ZNF280C: variants seen among roughly 807,000 people sequenced by gnomAD.
ZNF280C encodes suppressor of hairy wing homolog 3.
Under a neutral mutation model 53.6 loss-of-function variants are expected in ZNF280C, and 14 were observed. That is an observed-to-expected ratio of 0.26 (90% CI 0.17 to 0.41). The LOEUF (loss-of-function observed/expected upper bound fraction) is 0.41, where lower values mean the gene tolerates loss of function less well. ZNF280C is among the 10% of genes least tolerant of loss of function. The pLI, the probability that ZNF280C is intolerant of heterozygous loss-of-function variation, is 1.00. For synonymous variants in ZNF280C, 203 were observed against 181.1 expected (o/e 1.12, Z -0.97); for missense variants, 416 against 547.1 (o/e 0.76, Z 2.39).
At chrX:130,224,531 T>C (rs5930385) in intron 12 of ZNF280C, among the ~76,000 whole-genome samples, 9,982 of 111,329 alleles carry the variant, frequency 0.09, 398 homozygotes, top group African/African-American at 0.13. Flanking sequence ...TTTATTACAG[T>C]GTAAGGGTAC....
intron 5 of ZNF280C, among the ~76,000 whole-genome samples, chrX:130,240,755 T>C (rs1489755608): frequency 8.9e-6 from 1 of 111,786 alleles, no homozygotes; most frequent in Non-Finnish European, 1.9e-5. Context: ...CATAAAATAT[T>C]TCAGAAAGAT....
intron 13 of ZNF280C, among the ~76,000 whole-genome samples, chrX:130,218,035 G>A (rs2032123317): frequency 9.0e-6 from 1 of 111,040 alleles, no homozygotes; most frequent in African/African-American, 3.3e-5. Context: ...GGTGACATCC[G>A]CCTGTGGTCC....
At chrX:130,261,036 G>A (rs940772442) in intron 1 of ZNF280C, among the ~76,000 whole-genome samples, 1 of 111,711 alleles carries the variant, frequency 9.0e-6, no homozygotes, top group Non-Finnish European at 1.9e-5. Flanking sequence ...TTAGTTTTTT[G>A]AAAAGTAACA....
At chrX:130,206,760 TC>T (rs1411114165) in intron 16 of ZNF280C, among the ~76,000 whole-genome samples, 1 of 112,127 alleles carries the variant, frequency 8.9e-6, no homozygotes, top group South Asian at 3.7e-4. Context: ...TCATGTGCTT[TC>T]CCCATGAAAT....
At chrX:130,213,383 A>G (rs2032063771) in intron 15 of ZNF280C, among the ~76,000 whole-genome samples, 1 of 111,064 alleles carries the variant, frequency 9.0e-6, no homozygotes, top group Non-Finnish European at 1.9e-5. Flanking sequence ...AAAACAAAAC[A>G]AAACGAAACA....
intron 8 of ZNF280C, among the ~76,000 whole-genome samples, chrX:130,233,797 G>A (rs1231340234): frequency 9.1e-6 from 1 of 110,085 alleles, no homozygotes; most frequent in Non-Finnish European, 1.9e-5. Context: ...AACTCATCAA[G>A]CTGTATACAT....
intron 6 of ZNF280C, 135 bp from the exon 7 acceptor site, chrX:130,236,774 A>G (rs920910852): frequency 8.1e-6 from 3 of 371,887 alleles, no homozygotes; most frequent in Non-Finnish European, 1.4e-5. Flanking sequence ...TAAAGGTAAT[A>G]TAATTTAATA....
chrX:130,239,804 C>T, intron 5 of ZNF280C, 111 bp from the exon 6 acceptor site: 1 of 414,322 alleles, frequency 2.4e-6, no homozygotes, highest in Non-Finnish European at 4.1e-6. Context: ...TGGTATAAAA[C>T]ACAAAGGTAA....
At chrX:130,254,239 T>A (rs928372756) in intron 2 of ZNF280C, among the ~76,000 whole-genome samples, 3 of 111,457 alleles carry the variant, frequency 2.7e-5, no homozygotes, top group Non-Finnish European at 5.7e-5. Flanking sequence ...GAATGGCTAT[T>A]CAAAAGTCAA....
At chrX:130,245,374 AAAT>A (rs1466743672) in intron 3 of ZNF280C, among the ~76,000 whole-genome samples, 1 of 111,924 alleles carries the variant, frequency 8.9e-6, no homozygotes, top group Non-Finnish European at 1.9e-5. Flanking sequence ...CAGTGACTAG[AAAT>A]AATAAGAGAA....
intron 13 of ZNF280C, among the ~76,000 whole-genome samples, chrX:130,217,097 C>T (rs1221401677): frequency 8.9e-6 from 1 of 112,335 alleles, no homozygotes; most frequent in African/African-American, 3.2e-5. Flanking sequence ...AGCCATTCTA[C>T]TCAGAGGTAT....
intron 7 of ZNF280C, 62 bp downstream of exon 7, chrX:130,236,407 A>C: frequency 8.9e-7 from 1 of 1,122,635 alleles, no homozygotes; most frequent in African/African-American, 1.8e-5. Flanking sequence ...AATTCATCAC[A>C]ATTTCTAAAA....
chrX:130,263,367 T>C (rs888867426), intron 1 of ZNF280C, among the ~76,000 whole-genome samples: 2 of 112,336 alleles, frequency 1.8e-5, no homozygotes, highest in Non-Finnish European at 3.8e-5. Context: ...TGAACACTAT[T>C]TGGTAATAAA....
intron 1 of ZNF280C, among the ~76,000 whole-genome samples, chrX:130,263,111 G>A (rs971544468): frequency 1.8e-5 from 2 of 112,403 alleles, no homozygotes; most frequent in Non-Finnish European, 3.7e-5. Flanking sequence ...TACACTGCTG[G>A]TGGGAATGTG....
At position 130,230,737 on chromosome X, in the gene ZNF280C, G is replaced by A. The variant is rs1603242121; in HGVS notation, c.772-10C>T. On this transcript the variant is annotated splice_polypyrimidine_tract_variant and intron_variant, in intron 8 of 18. Transcript: ENST00000370978. ...TGTCTGGACAACAATGCTGAAAGAGGAAAAAAATATGAGCCTTGTCTACAG... is the reference window on the plus strand; with the variant it reads ...TGTCTGGACAACAATGCTGAAAGAGAAAAAAAATATGAGCCTTGTCTACAG... The A allele has an allele frequency of 5.4e-6, 6 of 1,119,231 alleles. No individual in the cohort carries two copies. The Admixed American group carries it at 7.2e-5, about 13-fold the overall frequency. 92.2% of individuals were successfully genotyped at this position (1,119,231 alleles called of 1,213,427 possible). A position where few individuals can be genotyped will look rare whatever the true frequency, so the allele number is the denominator to read the frequency against.
intron 1 of ZNF280C, among the ~76,000 whole-genome samples, chrX:130,265,454 T>C (rs1204637143): frequency 8.9e-6 from 1 of 112,523 alleles, no homozygotes; most frequent in African/African-American, 3.2e-5. Flanking sequence ...TTGAAGCCAA[T>C]CTGTATAGTA....
intron 12 of ZNF280C, among the ~76,000 whole-genome samples, chrX:130,225,838 T>G (rs955363833): frequency 1.8e-5 from 2 of 112,107 alleles, no homozygotes; most frequent in Non-Finnish European, 3.8e-5. Context: ...TGAATCAACT[T>G]GCCGAGACAA....
At chrX:130,265,204 T>C (rs2032675262) in intron 1 of ZNF280C, among the ~76,000 whole-genome samples, 1 of 112,156 alleles carries the variant, frequency 8.9e-6, no homozygotes, top group African/African-American at 3.2e-5. Context: ...CATCTATTTG[T>C]AGAAAATAGC....
At chrX:130,223,293 G>C (rs1218603306) in intron 12 of ZNF280C, among the ~76,000 whole-genome samples, 1 of 110,347 alleles carries the variant, frequency 9.1e-6, no homozygotes, top group Non-Finnish European at 1.9e-5. Context: ...CCTGGCCTCA[G>C]GTGATCCGCC....
Sources: gnomAD v4.1 joint callset for allele counts (sites outside exome capture counted in the v4.1 genomes callset) on GRCh38, gnomAD v4.1.1 for gene constraint, MANE v1.5 for transcripts, NCBI Gene and HGNC (gene_info 2026-07-23, HGNC 2026-07-21) for gene names.